Variants in NEGR1 observed in about 807,000 individuals in gnomAD.
NEGR1 encodes neuronal growth regulator 1, also known as IgLON family member 4.
Under a neutral mutation model 40.9 loss-of-function variants are expected in NEGR1, and 10 were observed. That is an observed-to-expected ratio of 0.24 (90% confidence interval 0.15 to 0.42). The LOEUF is 0.42. NEGR1 is among the 10% of genes least tolerant of loss of function. The pLI is 1.00. For missense variants in NEGR1, 352 were observed against 438.9 expected (o/e 0.80, Z 1.77); for synonymous variants, 185 against 166.8 (o/e 1.11, Z -0.84).
chr1:71,998,534 A>C (rs1646525831), intron 1 of NEGR1, among the ~76,000 whole-genome samples: 1 of 151,754 alleles, frequency 6.6e-6, no homozygotes, highest in African/African-American at 2.4e-5. Flanking sequence ...TACCTCATGC[A>C]CCTTTAAGCC....
rs74609061 is a variant in NEGR1 at position 71,797,766 on chromosome 1, T to C, written c.410-21469A>G. ...TTATACATTAATTTATTTAGTTGTC[T>C]TTGTTTCCTTCTAAATAACATTCTC... On this transcript the variant is annotated intron_variant, in intron 2 of 6. Transcript: ENST00000357731. Among the ~76,000 whole-genome samples the C allele has an allele frequency of 1.9e-3, 291 of 152,234 alleles. 11 individuals carry two copies. The East Asian group carries it at 0.047, about 24-fold the overall frequency.
intron 1 of NEGR1, among the ~76,000 whole-genome samples, chr1:72,211,105 A>T (rs1007027369): frequency 2.2e-4 from 33 of 151,902 alleles, no homozygotes; most frequent in African/African-American, 7.7e-4. Flanking sequence ...AGCTATTGAC[A>T]TGCTCATCCT....
At chr1:71,938,989 A>G (rs1645935454) in intron 1 of NEGR1, among the ~76,000 whole-genome samples, 1 of 152,112 alleles carries the variant, frequency 6.6e-6, no homozygotes, top group African/African-American at 2.4e-5. Context: ...AAGAAAATTT[A>G]TAATTTTGAT....
intron 1 of NEGR1, among the ~76,000 whole-genome samples, chr1:72,130,856 C>T (rs1386747522): frequency 7.9e-5 from 12 of 151,516 alleles, no homozygotes; most frequent in Admixed American, 7.9e-4. Context: ...TTAATGAGTA[C>T]AAACTTTAAA....
At chr1:71,507,837 G>C (rs1012224192) in intron 6 of NEGR1, among the ~76,000 whole-genome samples, 4 of 152,110 alleles carry the variant, frequency 2.6e-5, no homozygotes, top group East Asian at 3.9e-4. Flanking sequence ...CTTCTGGAAA[G>C]GTAAAAAGAA....
chr1:71,566,252 T>C (rs900563702), intron 6 of NEGR1, among the ~76,000 whole-genome samples: 2 of 152,182 alleles, frequency 1.3e-5, no homozygotes, highest in African/African-American at 4.8e-5. Context: ...TTTCTAATAA[T>C]AGATATACTT....
At chr1:71,621,163 C>T (rs191054403) in intron 4 of NEGR1, among the ~76,000 whole-genome samples, 37 of 151,946 alleles carry the variant, frequency 2.4e-4, no homozygotes, top group Admixed American at 2.0e-3. Context: ...GCACTGCAAG[C>T]ATGTGATTAA....
intron 1 of NEGR1, among the ~76,000 whole-genome samples, chr1:72,126,804 C>T (rs1401239517): frequency 1.3e-5 from 2 of 152,114 alleles, no homozygotes; most frequent in Non-Finnish European, 1.5e-5. Context: ...AACCCAAGAA[C>T]GAATAAGATG....
At chr1:71,598,062 T>A (rs1208988838) in intron 5 of NEGR1, among the ~76,000 whole-genome samples, 1 of 152,208 alleles carries the variant, frequency 6.6e-6, no homozygotes, top group Non-Finnish European at 1.5e-5. Context: ...ATTAGTCCCA[T>A]TTTATAGGTG....
At chr1:72,035,092 T>C (rs1349573273) in intron 1 of NEGR1, among the ~76,000 whole-genome samples, 1 of 152,088 alleles carries the variant, frequency 6.6e-6, no homozygotes, top group Admixed American at 6.6e-5. Context: ...GGCCAGTCTT[T>C]TCTCGGCTAT....
Position 72,062,360 on chromosome 1 carries a change from T to C in NEGR1, c.177-127049A>G, listed in dbSNP as rs180785592. Among the ~76,000 whole-genome samples the C allele has an allele frequency of 1.1e-4, 17 of 152,056 alleles. No individual in the cohort carries two copies. In the East Asian group the frequency reaches 2.7e-3, roughly 24 times the overall value. On this transcript the variant is annotated intron_variant, in intron 1 of 6. Transcript: ENST00000357731. Reference sequence around the variant, plus strand: ...TTCTAAGATGCCATAATATTTACTATGTACTTTTATAAGGGTGCCTACCAC... The same window carrying C: ...TTCTAAGATGCCATAATATTTACTACGTACTTTTATAAGGGTGCCTACCAC...
intron 3 of NEGR1, among the ~76,000 whole-genome samples, chr1:71,732,524 G>A (rs142039576): frequency 0.014 from 2,135 of 152,008 alleles, 25 homozygotes; most frequent in Middle Eastern, 0.02. Context: ...GTGTGTGCGC[G>A]CGCGCGCCAG....
At chr1:71,717,854 G>T (rs558204243) in intron 3 of NEGR1, among the ~76,000 whole-genome samples, 10 of 152,274 alleles carry the variant, frequency 6.6e-5, no homozygotes, top group African/African-American at 2.4e-4. Context: ...ACAGGCATAG[G>T]CATGGAGAAA....
rs1439266786 is a variant in NEGR1, at chr1:71,830,355, C to A, written c.410-54058G>T. 4.6e-5 allele frequency among the ~76,000 whole-genome samples: 7 copies of A among 151,642 alleles called. No homozygotes were observed. The East Asian group carries it at 1.2e-3, about 25-fold the overall frequency. The stretch of plus-strand genomic sequence containing the variant: ...AGTAAATATTTTCAGCTTTGTGAAC[C>A]ATAATATCTGTCACAACTATTCAAT... On this transcript the variant is annotated intron_variant, in intron 2 of 6. Coordinates refer to ENST00000357731, the MANE Select transcript of NEGR1 (RefSeq NM_173808.3).
At chr1:72,040,634 G>A (rs1646945177) in intron 1 of NEGR1, among the ~76,000 whole-genome samples, 1 of 141,312 alleles carries the variant, frequency 7.1e-6, no homozygotes, top group Non-Finnish European at 1.5e-5. Flanking sequence ...TCCATCAACT[G>A]GGAACCTTAC....
chr1:71,703,059 A>G (rs1653754436), intron 3 of NEGR1: 1 of 151,894 alleles, frequency 6.6e-6, no homozygotes, highest in Non-Finnish European at 1.5e-5. Flanking sequence ...TTGCATAGGC[A>G]AAAAATCCCA....
intron 6 of NEGR1, among the ~76,000 whole-genome samples, chr1:71,437,529 A>G (rs1020353166): frequency 2.1e-4 from 32 of 152,232 alleles, no homozygotes; most frequent in Non-Finnish European, 2.2e-4. Context: ...TGCTAAAAAA[A>G]AAGCTAACAT....
intron 1 of NEGR1, among the ~76,000 whole-genome samples, chr1:72,160,617 A>T (rs570351659): frequency 6.6e-6 from 1 of 152,310 alleles, no homozygotes; most frequent in Admixed American, 6.5e-5. Context: ...AATACTATAT[A>T]CATAGATTCT....
At chr1:72,122,334 C>T (rs2100293378) in intron 1 of NEGR1, among the ~76,000 whole-genome samples, 1 of 152,038 alleles carries the variant, frequency 6.6e-6, no homozygotes, top group Non-Finnish European at 1.5e-5. Context: ...CGAGTGTTAA[C>T]AATCCCCCAG....
Sources: gnomAD v4.1 joint callset for allele counts (sites outside exome capture counted in the v4.1 genomes callset) on GRCh38, gnomAD v4.1.1 for gene constraint, MANE v1.5 for transcripts, NCBI Gene and HGNC (gene_info 2026-07-23, HGNC 2026-07-21) for gene names.